The following SLC25A16 variants were observed in gnomAD, a reference collection of about 807,000 sequenced individuals.
The protein encoded by SLC25A16 is mitochondrial coenzyme A transporter SLC25A16.
SLC25A16 carries 39 observed loss-of-function variants against 41.5 expected under a neutral mutation model. The ratio of observed to expected loss-of-function variants is 0.94; its 90% CI spans 0.73 to 1.23. The LOEUF (loss-of-function observed/expected upper bound fraction) is 1.23, where lower values mean the gene tolerates loss of function less well. Among genes scored for constraint, SLC25A16 ranks in the 50% most tolerant of loss-of-function variants. SLC25A16 has a pLI of 0.00. For synonymous variants in SLC25A16, 146 were observed against 147.8 expected (o/e 0.99, Z 0.09); for missense variants, 421 against 426.9 (o/e 0.99, Z 0.12).
intron 4 of SLC25A16, chr10:68,496,693 C>G (rs1020406947): frequency 1.2e-5 from 12 of 965,110 alleles, no homozygotes; most frequent in Admixed American, 6.2e-5. Context: ...TCTAGAATCC[C>G]AGGAGTTATG....
chr10:68,512,880 A>G (rs2053091141), intron 2 of SLC25A16, among the ~76,000 whole-genome samples: 1 of 151,700 alleles, frequency 6.6e-6, no homozygotes, highest in Non-Finnish European at 1.5e-5. Context: ...TCTACTAAAC[A>G]TACAAAAAAT....
At chr10:68,516,103 C>T (rs1238140927) in intron 2 of SLC25A16, among the ~76,000 whole-genome samples, 3 of 152,032 alleles carry the variant, frequency 2.0e-5, no homozygotes, top group Non-Finnish European at 4.4e-5. Context: ...TTCCTGGTGC[C>T]GTAAAGAAAT....
At chr10:68,484,224 C>T (rs1287784858) in intron 8 of SLC25A16, among the ~76,000 whole-genome samples, 1 of 152,004 alleles carries the variant, frequency 6.6e-6, no homozygotes, top group East Asian at 1.9e-4. Context: ...TATCCAGTTG[C>T]CCTTTAAGCC....
chr10:68,511,865 T>C (rs1469899211), intron 2 of SLC25A16, among the ~76,000 whole-genome samples: 1 of 151,840 alleles, frequency 6.6e-6, no homozygotes, highest in Non-Finnish European at 1.5e-5. Context: ...ATTTAATTTT[T>C]TTTTTTTTTA....
intron 7 of SLC25A16, 27 bp from the exon 8 acceptor site, chr10:68,487,239 T>TTAA (rs1344153974): frequency 2.5e-6 from 4 of 1,603,866 alleles, no homozygotes; most frequent in Non-Finnish European, 3.4e-6. Flanking sequence ...GCATAAAGAA[T>TTAA]TAAAAATTTT....
chr10:68,485,187 T>C (rs2052538467), intron 8 of SLC25A16, among the ~76,000 whole-genome samples: 1 of 152,170 alleles, frequency 6.6e-6, no homozygotes, highest in Non-Finnish European at 1.5e-5. Flanking sequence ...TCTCCTGGGC[T>C]CAAGTGATTC....
At position 68,483,424 on chromosome 10, in the gene SLC25A16, A is replaced by T. The variant is rs1554913911; in HGVS notation, c.*8T>A. ...AATGTATTAAGAAAAACCAACCATA[A>T]TTTTTTTTTAGTTGAGGTGAAAAAA... is the stretch of plus-strand genomic sequence containing the variant. On this transcript the variant is annotated 3_prime_UTR_variant, in exon 9 of 9. Coordinates refer to ENST00000609923, the MANE Select transcript of SLC25A16 (RefSeq NM_152707.4). 21 of 1,527,392 alleles carry T rather than the reference A, an allele frequency of 1.4e-5. No homozygotes were observed. Among genetic ancestry groups the T allele is most frequent in the East Asian group, 2.3e-5 (1 of 43,366 alleles). 94.6% of individuals were successfully genotyped at this position (1,527,392 alleles called of 1,614,324 possible).
At chr10:68,524,549 A>G (rs965267032) in intron 1 of SLC25A16, among the ~76,000 whole-genome samples, 57 of 151,014 alleles carry the variant, frequency 3.8e-4, no homozygotes, top group African/African-American at 1.4e-3. Context: ...AAAAATAAAT[A>G]AATAAATAAA....
At chr10:68,520,861 C>T (rs1383034069) in intron 1 of SLC25A16, among the ~76,000 whole-genome samples, 1 of 149,938 alleles carries the variant, frequency 6.7e-6, no homozygotes, top group Non-Finnish European at 1.5e-5. Flanking sequence ...AAGGGCCAGG[C>T]ATGGTGCCTC....
rs930593609 is a variant in SLC25A16 at position 68,496,400 on chromosome 10, G to A, written c.422-2830C>T. The A allele has an allele frequency of 1.1e-5, 9 of 798,622 alleles. No individual in the cohort carries two copies. In the Admixed American group the frequency reaches 1.9e-4, roughly 17 times the overall value. The allele number at this position is 798,622 out of a possible 1,614,324, so 49.5% of individuals were successfully genotyped here. A position where few individuals can be genotyped will look rare whatever the true frequency, so the allele number is the denominator to read the frequency against. On this transcript the variant is annotated intron_variant, in intron 4 of 8. Coordinates refer to ENST00000609923, the MANE Select transcript of SLC25A16 (RefSeq NM_152707.4). ...TTTTAAGAAGGCCAAAAAAGCCCTCGATGTACAAATAAGGCAAATCAGAAA... is the reference window on the plus strand; with the variant it reads ...TTTTAAGAAGGCCAAAAAAGCCCTCAATGTACAAATAAGGCAAATCAGAAA...
At chr10:68,507,070 C>CTTTTTTT (rs71019019) in intron 2 of SLC25A16, among the ~76,000 whole-genome samples, 5 of 115,634 alleles carry the variant, frequency 4.3e-5, no homozygotes, top group South Asian at 3.0e-4. Context: ...ATGACCTACT[C>CTTTTTTT]TTTTTTTTTT....
intron 2 of SLC25A16, among the ~76,000 whole-genome samples, chr10:68,512,216 CAA>C (rs201136211): frequency 6.6e-6 from 1 of 151,858 alleles, no homozygotes; most frequent in Admixed American, 6.6e-5. Context: ...AGCTTGAGCC[CAA>C]AAGTTTGAGA....
chr10:68,493,114 G>C lies in SLC25A16; in HGVS notation c.610+18C>G. ...TTTTAAACATGCATATTAGGATTCTGGCAAATTTGAAACATACCTGCATAT... is the reference window on the plus strand; with the variant it reads ...TTTTAAACATGCATATTAGGATTCTCGCAAATTTGAAACATACCTGCATAT... On this transcript the variant is annotated intron_variant, in intron 6 of 8. Transcript: ENST00000609923. 6 of 1,489,278 alleles carry C rather than the reference G, an allele frequency of 4.0e-6. No individual in the cohort carries two copies. Among genetic ancestry groups the C allele is most frequent in the Non-Finnish European group, 5.5e-6 (6 of 1,092,898 alleles). The allele number at this position is 1,489,278 out of a possible 1,614,324, so 92.3% of individuals were successfully genotyped here.
intron 3 of SLC25A16, 135 bp downstream of exon 3, chr10:68,506,449 TA>T (rs372484024): frequency 0.035 from 18,145 of 514,496 alleles, no homozygotes; most frequent in East Asian, 0.046. Context: ...TCTCAAAAAT[TA>T]AAAAAAAAAA....
At chr10:68,512,969 G>A (rs1216134812) in intron 2 of SLC25A16, among the ~76,000 whole-genome samples, 1 of 152,100 alleles carries the variant, frequency 6.6e-6, no homozygotes, top group Non-Finnish European at 1.5e-5. Flanking sequence ...AACCTGGGAG[G>A]CGGAGTTTGC....
chr10:68,487,287 A>G, intron 7 of SLC25A16, 75 bp from the exon 8 acceptor site: 1 of 1,051,376 alleles, frequency 9.5e-7, no homozygotes, highest in South Asian at 1.3e-5. Flanking sequence ...ACAAAGCCCT[A>G]TAAATTCAAA....
At chr10:68,508,026 T>C (rs1427695277) in intron 2 of SLC25A16, among the ~76,000 whole-genome samples, 3 of 151,630 alleles carry the variant, frequency 2.0e-5, no homozygotes, top group African/African-American at 4.8e-5. Flanking sequence ...AGGTCAGGAG[T>C]TTGAGACCAG....
intron 6 of SLC25A16, among the ~76,000 whole-genome samples, chr10:68,491,621 G>C (rs1363679629): frequency 6.6e-6 from 1 of 152,044 alleles, no homozygotes; most frequent in Non-Finnish European, 1.5e-5. Flanking sequence ...TCCTACACTA[G>C]GCCCTAACAG....
Position 68,514,461 on chromosome 10 carries a change from A to T in SLC25A16, c.223+2290T>A, listed in dbSNP as rs374204421. ...CAGTGAGCAGAGATCACACCGCTGCACTCCAGCCTGGGCAACACAGTGAAA... is the reference window on the plus strand; with the variant it reads ...CAGTGAGCAGAGATCACACCGCTGCTCTCCAGCCTGGGCAACACAGTGAAA... On this transcript the variant is annotated intron_variant, in intron 2 of 8. Transcript: ENST00000609923. Among the ~76,000 whole-genome samples, 15 of 152,162 alleles carry T rather than the reference A, an allele frequency of 9.9e-5. No individual in the cohort carries two copies. The South Asian group carries it at 1.7e-3, about 17-fold the overall frequency.
Sources: gnomAD v4.1 joint callset for allele counts (sites outside exome capture counted in the v4.1 genomes callset) on GRCh38, gnomAD v4.1.1 for gene constraint, MANE v1.5 for transcripts, NCBI Gene and HGNC (gene_info 2026-07-23, HGNC 2026-07-21) for gene names.